The following RAB6A variants were observed in gnomAD, a reference collection of about 807,000 sequenced individuals.
RAB6A encodes ras-related protein Rab-6A.
In RAB6A, 8 loss-of-function variants were observed where a neutral mutation model predicts 32.3. That is an observed-to-expected ratio of 0.25 (90% CI 0.15 to 0.45). The LOEUF (loss-of-function observed/expected upper bound fraction) is 0.45, where lower values mean the gene tolerates loss of function less well. RAB6A is among the 20% of genes least tolerant of loss of function. The pLI is 1.00. For missense variants in RAB6A, 104 were observed against 249.4 expected, an observed-to-expected ratio of 0.42 and a Z score of 3.93; for synonymous variants, 73 against 82.1, an observed-to-expected ratio of 0.89 and a Z score of 0.60.
At chr11:73,732,913 A>G (rs1344416470) in intron 1 of RAB6A, among the ~76,000 whole-genome samples, 1 of 151,762 alleles carries the variant, frequency 6.6e-6, no homozygotes. Context: ...CCTGGGTTCA[A>G]GCAATTCTCC....
At chr11:73,726,325 G>A (rs1451408462) in intron 2 of RAB6A, among the ~76,000 whole-genome samples, 4 of 150,116 alleles carry the variant, frequency 2.7e-5, no homozygotes, top group Admixed American at 1.3e-4. Flanking sequence ...GCTCACGCCT[G>A]TAATCCCAGC....
At chr11:73,723,289 A>C (rs114910380) in intron 2 of RAB6A, among the ~76,000 whole-genome samples, 1 of 142,320 alleles carries the variant, frequency 7.0e-6, no homozygotes, top group Admixed American at 7.0e-5. Flanking sequence ...ACTGGGGGGG[A>C]AAAAAAGAAA....
chr11:73,691,779 G>A (rs751934338), intron 6 of RAB6A, among the ~76,000 whole-genome samples: 14 of 151,948 alleles, frequency 9.2e-5, no homozygotes, highest in Non-Finnish European at 1.8e-4. Flanking sequence ...TGGCCAATAT[G>A]GGGAAACCCC....
chr11:73,719,740 C>T (rs1946107602), intron 3 of RAB6A, among the ~76,000 whole-genome samples: 2 of 151,708 alleles, frequency 1.3e-5, no homozygotes, highest in South Asian at 2.1e-4. Context: ...CTCAGCCTCC[C>T]GAGTAGCTGG....
intron 6 of RAB6A, among the ~76,000 whole-genome samples, chr11:73,697,552 GGC>G (rs1945673915): frequency 6.6e-6 from 1 of 151,954 alleles, no homozygotes; most frequent in African/African-American, 2.4e-5. Context: ...TCACTATGTT[GGC>G]CAGGCTGATC....
At chr11:73,755,972 G>A (rs187565927) in intron 1 of RAB6A, among the ~76,000 whole-genome samples, 1 of 152,190 alleles carries the variant, frequency 6.6e-6, no homozygotes, top group East Asian at 1.9e-4. Flanking sequence ...CATTAACAGA[G>A]CTCTTCAGGA....
intron 3 of RAB6A, chr11:73,719,023 G>T: frequency 1.3e-6 from 1 of 742,058 alleles, no homozygotes; most frequent in Non-Finnish European, 2.1e-6. Flanking sequence ...GAGGTTGCAG[G>T]GAGTGAGGAA....
At chr11:73,734,038 CT>C (rs1206372797) in intron 1 of RAB6A, among the ~76,000 whole-genome samples, 1 of 152,058 alleles carries the variant, frequency 6.6e-6, no homozygotes, top group Non-Finnish European at 1.5e-5. Context: ...TCAAGAACCC[CT>C]GATATACTGT....
chr11:73,744,483 C>A (rs2135000390), intron 1 of RAB6A, among the ~76,000 whole-genome samples: 2 of 139,594 alleles, frequency 1.4e-5, no homozygotes, highest in Middle Eastern at 8.1e-3. Flanking sequence ...TGCACTCCAG[C>A]CTGGGCAACA....
chr11:73,721,712 TTG>T (rs1411166039), intron 2 of RAB6A, among the ~76,000 whole-genome samples: 2 of 152,196 alleles, frequency 1.3e-5, no homozygotes, highest in African/African-American at 4.8e-5. Context: ...TCATTAATGT[TTG>T]TGTGCACATA....
chr11:73,725,879 G>A (rs1474570848), intron 2 of RAB6A, among the ~76,000 whole-genome samples: 3 of 152,226 alleles, frequency 2.0e-5, no homozygotes, highest in African/African-American at 7.2e-5. Flanking sequence ...AGGGCCAGGC[G>A]CGGTGGCTCA....
At chr11:73,722,271 T>C (rs1476024079) in intron 2 of RAB6A, 2 of 140,190 alleles carry the variant, frequency 1.4e-5, no homozygotes, top group Non-Finnish European at 3.2e-5. Flanking sequence ...TTCTGATGCT[T>C]CCGTAAATAA....
chr11:73,683,566 T>A (rs866912902), intron 6 of RAB6A, among the ~76,000 whole-genome samples: 77 of 150,876 alleles, frequency 5.1e-4, no homozygotes, highest in African/African-American at 1.8e-3. Flanking sequence ...TGGCACTATT[T>A]TTTTTAGATG....
At chr11:73,720,088 G>A (rs1946111914) in intron 3 of RAB6A, among the ~76,000 whole-genome samples, 1 of 151,982 alleles carries the variant, frequency 6.6e-6, no homozygotes, top group Non-Finnish European at 1.5e-5. Flanking sequence ...TCTCTTCAAG[G>A]GGTAGTGGGC....
chr11:73,700,599 A>AGGGGG (rs1945725711), intron 6 of RAB6A, among the ~76,000 whole-genome samples: 1 of 8,442 alleles, frequency 1.2e-4, no homozygotes, highest in Non-Finnish European at 1.9e-4. Context: ...AAAAAAAAAA[A>AGGGGG]GTGTGTGTGT....
At chr11:73,755,039 C>A (rs1023394656) in intron 1 of RAB6A, among the ~76,000 whole-genome samples, 1 of 151,438 alleles carries the variant, frequency 6.6e-6, no homozygotes, top group Non-Finnish European at 1.5e-5. Flanking sequence ...TCTCCTGCCT[C>A]AGCCTCCTGA....
chr11:73,706,292 G>A (rs2134917686), intron 6 of RAB6A, among the ~76,000 whole-genome samples: 1 of 152,096 alleles, frequency 6.6e-6, no homozygotes, highest in Middle Eastern at 3.4e-3. Context: ...GAGGCAGGCA[G>A]ATCACGAGGT....
intron 1 of RAB6A, among the ~76,000 whole-genome samples, chr11:73,760,346 G>C (rs1241896359): frequency 6.6e-6 from 1 of 152,186 alleles, no homozygotes; most frequent in Non-Finnish European, 1.5e-5. Flanking sequence ...TGCGGGGAAC[G>C]GAGCCGGGGA....
intron 1 of RAB6A, among the ~76,000 whole-genome samples, chr11:73,734,826 A>C (rs1035760356): frequency 1.3e-5 from 2 of 152,178 alleles, no homozygotes; most frequent in Admixed American, 6.5e-5. Flanking sequence ...CTCTCAGTAA[A>C]AGTAGGTAGG....
Sources: gnomAD v4.1 joint callset for allele counts (sites outside exome capture counted in the v4.1 genomes callset) on GRCh38, gnomAD v4.1.1 for gene constraint, MANE v1.5 for transcripts, NCBI Gene and HGNC (gene_info 2026-07-23, HGNC 2026-07-21) for gene names.